ONECUT2: variants seen among roughly 807,000 people sequenced by gnomAD.
ONECUT2 encodes the protein one cut domain family member 2.
A neutral mutation model predicts 27.9 loss-of-function variants in ONECUT2; 10 were observed. The ratio of observed to expected loss-of-function variants is 0.36; its 90% CI spans 0.22 to 0.61. The LOEUF (loss-of-function observed/expected upper bound fraction) is 0.61, where lower values mean the gene tolerates loss of function less well. Among genes scored for constraint, ONECUT2 ranks in the 20% least tolerant of loss-of-function variants. ONECUT2 has a pLI of 0.73. For synonymous variants in ONECUT2, 334 were observed against 315.1 expected (o/e 1.06, Z -0.64); for missense variants, 686 against 721.0 (o/e 0.95, Z 0.56).
intron 1 of ONECUT2, among the ~76,000 whole-genome samples, chr18:57,454,280 A>G (rs930938498): frequency 4.6e-5 from 7 of 152,208 alleles, no homozygotes; most frequent in Admixed American, 2.6e-4. Flanking sequence ...AATATCTGCC[A>G]TTATTGATTG....
In ONECUT2 at chr18:57,491,021, G is replaced by A. The variant is rs897742727; in HGVS notation, c.*14298G>A. On this transcript the variant is annotated 3_prime_UTR_variant, in exon 2 of 2. Transcript: ENST00000491143. ...CTGTGCTGAAAGACTTTCCAGGGACGGTCAACAGGGTATATGTTCAGTGGC... is the reference window on the plus strand; with the variant it reads ...CTGTGCTGAAAGACTTTCCAGGGACAGTCAACAGGGTATATGTTCAGTGGC... 3.3e-5 allele frequency: 5 copies of A among 152,608 alleles called. No individual in the cohort carries two copies. Among genetic ancestry groups the A allele is most frequent in the South Asian group, 2.1e-4 (1 of 4,818 alleles). The allele number at this position is 152,608 out of a possible 1,614,324, so 9.5% of individuals were successfully genotyped here. A position where few individuals can be genotyped will look rare whatever the true frequency, so the allele number is the denominator to read the frequency against.
At position 57,479,181 on chromosome 18, in the gene ONECUT2, GTT is replaced by G. The variant is rs2050402350; in HGVS notation, c.*2460_*2461del. Reference sequence around the variant, plus strand: ...CTCTCCCGAGCCACAGAACCAAAGAGTTTATAGAGGAATTTACAGCCTCGTTT... The same window carrying G: ...CTCTCCCGAGCCACAGAACCAAAGAGTATAGAGGAATTTACAGCCTCGTTT... On this transcript the variant is annotated 3_prime_UTR_variant, in exon 2 of 2. Coordinates refer to ENST00000491143, the MANE Select transcript of ONECUT2 (RefSeq NM_004852.3). 1 of 152,430 alleles carries G rather than the reference GTT, an allele frequency of 6.6e-6. No homozygotes were observed. Among genetic ancestry groups the G allele is most frequent in the African/African-American group, 2.4e-5 (1 of 41,372 alleles). The allele number at this position is 152,430 out of a possible 1,614,324, so 9.4% of individuals were successfully genotyped here.
intron 1 of ONECUT2, among the ~76,000 whole-genome samples, chr18:57,455,099 A>C (rs2050251847): frequency 6.6e-6 from 1 of 152,202 alleles, no homozygotes; most frequent in Non-Finnish European, 1.5e-5. Flanking sequence ...AATGCTAAGG[A>C]GAATGGCTTC....
At position 57,435,377 on chromosome 18, in the gene ONECUT2, G is replaced by GCCCT. The variant is rs2050131505; in HGVS notation, c.-339_-336dup. Among the ~76,000 whole-genome samples the GCCCT allele has an allele frequency of 6.6e-6, 1 of 151,890 alleles. No individual in the cohort carries two copies. Reference sequence around the variant, plus strand: ...GTTGGCTGCCCCGGCGAGCGGCAGAGCCCTTCTGGACAGCTCCCGCTCACC... The same window carrying GCCCT: ...GTTGGCTGCCCCGGCGAGCGGCAGAGCCCTCCCTTCTGGACAGCTCCCGCTCACC... On this transcript the variant is annotated 5_prime_UTR_variant, in exon 1 of 2. Transcript: ENST00000491143.
At chr18:57,472,491 G>A (rs919614554) in intron 1 of ONECUT2, among the ~76,000 whole-genome samples, 1 of 152,072 alleles carries the variant, frequency 6.6e-6, no homozygotes, top group Non-Finnish European at 1.5e-5. Flanking sequence ...AAAAACCCTG[G>A]GCAACATATG....
At chr18:57,463,197 T>G (rs1023847875) in intron 1 of ONECUT2, among the ~76,000 whole-genome samples, 6 of 152,200 alleles carry the variant, frequency 3.9e-5, no homozygotes, top group Admixed American at 3.3e-4. Context: ...AGAGAACACA[T>G]GTTCCTCATG....
rs927961875 is a variant in ONECUT2 at position 57,435,894 on chromosome 18, G to A, written c.178G>A (p.Glu60Lys). 224 of 1,111,636 alleles carry A rather than the reference G, an allele frequency of 2.0e-4. No homozygotes were observed. Among genetic ancestry groups the A allele is most frequent in the Non-Finnish European group, 2.2e-4 (198 of 913,872 alleles). The allele number at this position is 1,111,636 out of a possible 1,614,324, so 68.9% of individuals were successfully genotyped here. The change falls in exon 1 of 2, where the codon GAG becomes AAG. Residue 60 changes from glutamate (E) to lysine (K), a missense_variant. Glu to Lys is a moderately conservative substitution (Grantham distance 56, BLOSUM62 1). Around this residue, in one of 4 missense-constraint regions of ONECUT2, gnomAD observed 511 missense variants for 488.1 expected, o/e 1.05. Transcript: ENST00000491143. ...CGGCGGGGGCCCGGGCCATGAGCAG[G>A]AGCTGCTGGCCAGCCCCAGCCCCCA... The part of the protein sequence containing the change: ...GGGGGPGHEQ[E>K]LLASPSPHHA...
chr18:57,451,842 T>C (rs2050231982), intron 1 of ONECUT2, among the ~76,000 whole-genome samples: 1 of 151,984 alleles, frequency 6.6e-6, no homozygotes, highest in African/African-American at 2.4e-5. Context: ...GTTCCATTGG[T>C]GAAAGCAAGT....
chr18:57,444,275 C>G (rs907580493), intron 1 of ONECUT2: 1 of 446,606 alleles, frequency 2.2e-6, no homozygotes, highest in African/African-American at 2.0e-5. Context: ...GGATAGGAAA[C>G]TAGGTTGACT....
chr18:57,435,979 A>C lies in ONECUT2; in HGVS notation c.263A>C (p.His88Pro). The change falls in exon 1 of 2, where the codon CAC becomes CCC. Residue 88 changes from histidine to proline, a missense_variant. By Grantham distance (77) the His-to-Pro change is moderately conservative. Around this residue, in one of 4 missense-constraint regions of ONECUT2, gnomAD observed 511 missense variants for 488.1 expected, o/e 1.05. Transcript: ENST00000491143. ...LRGPPPPPTA[H>P]QELGTAAAAA... ...GGCCCTCCGCCGCCTCCAACCGCGC[A>C]CCAGGAGCTGGGCACGGCGGCAGCG... The C allele has an allele frequency of 6.9e-7, 1 of 1,459,040 alleles. No homozygotes were observed. The highest frequency in any genetic ancestry group is 9.0e-7 in the Non-Finnish European group (1 of 1,110,282). The allele number at this position is 1,459,040 out of a possible 1,614,324, so 90.4% of individuals were successfully genotyped here. A position where few individuals can be genotyped will look rare whatever the true frequency, so the allele number is the denominator to read the frequency against.
intron 1 of ONECUT2, among the ~76,000 whole-genome samples, chr18:57,470,777 A>G (rs1008791962): frequency 1.3e-5 from 2 of 151,756 alleles, no homozygotes; most frequent in Non-Finnish European, 2.9e-5. Flanking sequence ...TCCACACCAC[A>G]CACACACAAC....
rs887878186 is a variant in ONECUT2, at chr18:57,487,707, T to C, written c.*10984T>C. The C allele has an allele frequency of 6.6e-6, 1 of 152,174 alleles. No homozygotes were observed. Among genetic ancestry groups the C allele is most frequent in the African/African-American group, 2.4e-5 (1 of 41,450 alleles). The allele number at this position is 152,174 out of a possible 1,614,324, so 9.4% of individuals were successfully genotyped here. Reference sequence around the variant, plus strand: ...CCCTAGACTTGGAGGTGACTCTCACTTAATTTTTACCTGCCCAACAATGTT... The same window carrying C: ...CCCTAGACTTGGAGGTGACTCTCACCTAATTTTTACCTGCCCAACAATGTT... On this transcript the variant is annotated 3_prime_UTR_variant, in exon 2 of 2. Transcript: ENST00000491143.
rs746537414 is a variant in ONECUT2 at position 57,436,253 on chromosome 18, C to T, written c.537C>T (p.His179=). 2.5e-6 allele frequency: 4 copies of T among 1,601,306 alleles called. No homozygotes were observed. Among genetic ancestry groups the T allele is most frequent in the Admixed American group, 1.7e-5 (1 of 59,258 alleles). ...ACCCGCACCACCATCCGCACCACCA[C>T]CACCACCACCACCACCAGCGCCTGT... ...HPHPHHHPHH[H]HHHHHQRLSG... is the part of the protein sequence containing the mutation. Residue 179 remains histidine (H), a synonymous_variant, in exon 1 of 2, where the codon CAC becomes CAT. Transcript: ENST00000491143. The surrounding 1 kb of genome is among the most constrained non-coding windows in gnomAD (Gnocchi z 5.9).
At position 57,479,301 on chromosome 18, in the gene ONECUT2, T is replaced by C. The variant is rs1193166388; in HGVS notation, c.*2578T>C. ...CAGTTTCTACTTTTCTATTAGCTTT[T>C]TAAAAATCAGCTGTAAAGTTGCATT... On this transcript the variant is annotated 3_prime_UTR_variant, in exon 2 of 2. Coordinates refer to ENST00000491143, the MANE Select transcript of ONECUT2 (RefSeq NM_004852.3). 1 of 152,462 alleles carries C rather than the reference T, an allele frequency of 6.6e-6. No individual in the cohort carries two copies. Among genetic ancestry groups the C allele is most frequent in the South Asian group, 2.1e-4 (1 of 4,824 alleles). The allele number at this position is 152,462 out of a possible 1,614,324, so 9.4% of individuals were successfully genotyped here. A position where few individuals can be genotyped will look rare whatever the true frequency, so the allele number is the denominator to read the frequency against.
At chr18:57,459,133 A>T (rs2050276269) in intron 1 of ONECUT2, among the ~76,000 whole-genome samples, 1 of 152,228 alleles carries the variant, frequency 6.6e-6, no homozygotes, top group South Asian at 2.1e-4. Context: ...TAAAAGGCAT[A>T]AAGTGATTGA....
intron 1 of ONECUT2, among the ~76,000 whole-genome samples, chr18:57,461,547 A>T (rs1235006597): frequency 6.6e-6 from 1 of 152,234 alleles, no homozygotes; most frequent in African/African-American, 2.4e-5. Context: ...CTAGTAAAAG[A>T]GTGGAGAAGC....
At chr18:57,471,196 T>C (rs3786472) in intron 1 of ONECUT2, among the ~76,000 whole-genome samples, 7,461 of 152,256 alleles carry the variant, frequency 0.049, 673 homozygotes, top group East Asian at 0.36. Context: ...GCTGCACGAC[T>C]CTGACCACAT....
At position 57,436,732 on chromosome 18, in the gene ONECUT2, C is replaced by G. The variant is rs1347892416; in HGVS notation, c.1016C>G (p.Ala339Gly). The part of the protein sequence containing the change: ...QLEEINTKEV[A>G]QRITAELKRY... ...GAAGAAATCAACACCAAAGAGGTGG[C>G]CCAGCGCATCACAGCGGAGCTGAAG... Residue 339 changes from alanine to glycine, a missense_variant, in exon 1 of 2, where the codon GCC becomes GGC. Around this residue, in one of 4 missense-constraint regions of ONECUT2, gnomAD observed 47 missense variants for 86.0 expected, o/e 0.55. Coordinates refer to ENST00000491143, the MANE Select transcript of ONECUT2 (RefSeq NM_004852.3). This position sits in a 1 kb window ranked among gnomAD's most constrained non-coding sequence, Gnocchi z 5.9. The G allele has an allele frequency of 6.2e-7, 1 of 1,613,922 alleles. No individual in the cohort carries two copies. Among genetic ancestry groups the G allele is most frequent in the East Asian group, 2.2e-5 (1 of 44,886 alleles).
In ONECUT2 at chr18:57,436,317, G is replaced by A. The variant is rs1213131296; in HGVS notation, c.601G>A (p.Glu201Lys). ...VSGSFTLMRDERGLPAMNNLY... is the reference protein window; with the variant it reads ...VSGSFTLMRDKRGLPAMNNLY... ...CGGCAGCTTCACCCTCATGCGCGACGAGCGCGGGCTCCCGGCCATGAACAA... is the reference window on the plus strand; with the variant it reads ...CGGCAGCTTCACCCTCATGCGCGACAAGCGCGGGCTCCCGGCCATGAACAA... The change falls in exon 1 of 2, where the codon GAG (glutamate) becomes AAG (lysine). Residue 201 changes from glutamate (E) to lysine (K), a missense_variant. By Grantham distance (56) the Glu-to-Lys change is moderately conservative. Around this residue, in one of 4 missense-constraint regions of ONECUT2, gnomAD observed 511 missense variants for 488.1 expected, o/e 1.05. Coordinates refer to ENST00000491143, the MANE Select transcript of ONECUT2 (RefSeq NM_004852.3). This position sits in a 1 kb window ranked among gnomAD's most constrained non-coding sequence, Gnocchi z 5.9. 2.5e-6 allele frequency: 4 copies of A among 1,603,976 alleles called. No homozygotes were observed. The highest frequency in any genetic ancestry group is 3.4e-6 in the Non-Finnish European group (4 of 1,179,720).
Sources: allele counts gnomAD v4.1 joint callset (sites outside exome capture counted in the v4.1 genomes callset), GRCh38; gene constraint gnomAD v4.1.1; regional missense constraint gnomAD v4.1.1; non-coding constraint Gnocchi (gnomAD v3.1); transcripts MANE v1.5; gene names NCBI Gene and HGNC (gene_info 2026-07-23, HGNC 2026-07-21).